The following PAK5 variants were observed in gnomAD, a reference collection of about 807,000 sequenced individuals.
The protein encoded by PAK5 is p21 (RAC1) activated kinase 5.
PAK5 carries 16 observed loss-of-function variants against 65.9 expected under a neutral mutation model. The observed-to-expected ratio is 0.24, with a 90% CI of 0.16 to 0.37. PAK5 has a LOEUF of 0.37. Among genes scored for constraint, PAK5 ranks in the 10% least tolerant of loss-of-function variants. The probability of loss-of-function intolerance (pLI) is 1.00; values close to 1 mark genes in which losing one functional copy is unlikely to be tolerated. For synonymous variants in PAK5, 371 were observed against 354.9 expected, an observed-to-expected ratio of 1.05 and a Z score of -0.51; for missense variants, 785 against 903.9, an observed-to-expected ratio of 0.87 and a Z score of 1.69.
intron 2 of PAK5, among the ~76,000 whole-genome samples, chr20:9,703,888 T>G (rs1600263705): frequency 6.6e-6 from 1 of 152,148 alleles, no homozygotes; most frequent in African/African-American, 2.4e-5. Flanking sequence ...ATGGAGGCAA[T>G]GAGCAGTGGC....
At chr20:9,544,325 G>A (rs1271771946) in intron 8 of PAK5, 44 bp downstream of exon 8, 1 of 1,603,230 alleles carries the variant, frequency 6.2e-7, no homozygotes, top group Admixed American at 1.7e-5. Context: ...GGGTCCCTGA[G>A]CCTGTCCCCA....
rs117536862 is a variant in PAK5 at position 9,829,956 on chromosome 20, G to C, written c.-162+8806C>G. Among the ~76,000 whole-genome samples, 901 of 152,230 alleles carry C rather than the reference G, an allele frequency of 5.9e-3. 5 individuals carry two copies. The highest frequency in any genetic ancestry group is 0.024 in the Middle Eastern group (7 of 294). On this transcript the variant is annotated intron_variant, in intron 1 of 9. Transcript: ENST00000353224. ...TGTGTGGAGACTACAAAGTCCACAA[G>C]TCCAAGCTCCATTTACACCTCCCAC...
At chr20:9,784,472 TG>T (rs1286885562) in intron 1 of PAK5, 1 of 152,168 alleles carries the variant, frequency 6.6e-6, no homozygotes, top group African/African-American at 2.4e-5. Flanking sequence ...GTAAGAGCCA[TG>T]GGGCTGGATA....
intron 2 of PAK5, among the ~76,000 whole-genome samples, chr20:9,688,324 C>T (rs2047747863): frequency 6.6e-6 from 1 of 151,982 alleles, no homozygotes; most frequent in Non-Finnish European, 1.5e-5. Flanking sequence ...ACACCACGCA[C>T]TTTGTGTTAT....
At chr20:9,633,585 C>G (rs906016239) in intron 3 of PAK5, among the ~76,000 whole-genome samples, 1 of 152,190 alleles carries the variant, frequency 6.6e-6, no homozygotes, top group Non-Finnish European at 1.5e-5. Context: ...TTTGGTCAGG[C>G]CTGTTGCCTA....
At chr20:9,795,546 C>T (rs910904358) in intron 1 of PAK5, among the ~76,000 whole-genome samples, 3 of 152,090 alleles carry the variant, frequency 2.0e-5, no homozygotes, top group African/African-American at 4.8e-5. Context: ...ATAAATGGAT[C>T]TCACTATATG....
At chr20:9,803,033 C>A (rs1208228641) in intron 1 of PAK5, among the ~76,000 whole-genome samples, 2 of 149,940 alleles carry the variant, frequency 1.3e-5, no homozygotes, top group Non-Finnish European at 3.0e-5. Context: ...CACTAAGGTG[C>A]TGCACTAAAA....
intron 2 of PAK5, among the ~76,000 whole-genome samples, chr20:9,677,291 C>G (rs937750821): frequency 6.6e-6 from 1 of 152,116 alleles, no homozygotes; most frequent in Non-Finnish European, 1.5e-5. Flanking sequence ...CATTCAGACC[C>G]CGGCTTCTGC....
intron 1 of PAK5, among the ~76,000 whole-genome samples, chr20:9,721,171 G>A (rs2048208425): frequency 6.6e-6 from 1 of 152,106 alleles, no homozygotes; most frequent in African/African-American, 2.4e-5. Flanking sequence ...TCTGGAGACT[G>A]CCAAAGACGT....
At chr20:9,571,729 A>G (rs540578064) in intron 4 of PAK5, among the ~76,000 whole-genome samples, 2 of 152,308 alleles carry the variant, frequency 1.3e-5, no homozygotes, top group South Asian at 4.1e-4. Context: ...TCCATTTTAT[A>G]GATAAGAAGA....
At chr20:9,574,960 T>C (rs2045859889) in intron 4 of PAK5, among the ~76,000 whole-genome samples, 8 of 152,120 alleles carry the variant, frequency 5.3e-5, no homozygotes, top group Admixed American at 5.2e-4. Context: ...GGATCCTCAG[T>C]AGAAAAGAAG....
intron 1 of PAK5, among the ~76,000 whole-genome samples, chr20:9,746,979 G>A (rs1012000489): frequency 4.0e-5 from 6 of 151,814 alleles, no homozygotes; most frequent in African/African-American, 1.2e-4. Context: ...TCAAATAGAC[G>A]CAATAAAAAA....
intron 1 of PAK5, among the ~76,000 whole-genome samples, chr20:9,758,975 C>T (rs1471999076): frequency 1.3e-5 from 2 of 152,026 alleles, no homozygotes; most frequent in Non-Finnish European, 2.9e-5. Context: ...GTCTGCTCTC[C>T]AAAGGGGACA....
intron 1 of PAK5, among the ~76,000 whole-genome samples, chr20:9,794,672 G>A (rs2049086091): frequency 6.6e-6 from 1 of 152,056 alleles, no homozygotes; most frequent in Admixed American, 6.6e-5. Context: ...GAACATCAAG[G>A]AATTAAGAAA....
At chr20:9,679,190 T>C (rs559852131) in intron 2 of PAK5, among the ~76,000 whole-genome samples, 1 of 152,206 alleles carries the variant, frequency 6.6e-6, no homozygotes, top group African/African-American at 2.4e-5. Flanking sequence ...AGTAACATAT[T>C]CTTTCCTCTA....
chr20:9,598,074 C>T (rs2046301629), intron 3 of PAK5, among the ~76,000 whole-genome samples: 1 of 152,202 alleles, frequency 6.6e-6, no homozygotes, highest in South Asian at 2.1e-4. Flanking sequence ...GTAGTAAGCC[C>T]TGCATGCATT....
intron 1 of PAK5, among the ~76,000 whole-genome samples, chr20:9,829,305 C>T (rs77933582): frequency 0.028 from 4,237 of 152,246 alleles, 94 homozygotes; most frequent in Non-Finnish European, 0.043. Context: ...GTTGATTAAT[C>T]TAGTGACTTT....
intron 1 of PAK5, among the ~76,000 whole-genome samples, chr20:9,720,149 G>A (rs1163195652): frequency 3.9e-5 from 6 of 152,234 alleles, no homozygotes; most frequent in East Asian, 3.9e-4. Context: ...TAGGAAGTGA[G>A]TTTTTCACCA....
chr20:9,540,937 C>T (rs1182398929), intron 9 of PAK5, among the ~76,000 whole-genome samples: 3 of 152,176 alleles, frequency 2.0e-5, no homozygotes, highest in Non-Finnish European at 2.9e-5. Context: ...GGGGTTTCAC[C>T]GTGTTAGCCA....
Sources: gnomAD v4.1 joint callset for allele counts (sites outside exome capture counted in the v4.1 genomes callset) on GRCh38, gnomAD v4.1.1 for gene constraint, MANE v1.5 for transcripts, NCBI Gene and HGNC (gene_info 2026-07-23, HGNC 2026-07-21) for gene names.